The following SIGLEC8 variants were observed in gnomAD, a reference collection of about 807,000 sequenced individuals.
SIGLEC8 encodes sialic acid binding Ig like lectin 8.
SIGLEC8 carries 32 observed loss-of-function variants against 42.1 expected under a neutral mutation model. That is an observed-to-expected ratio of 0.76 (90% CI 0.57 to 1.02). SIGLEC8 has a LOEUF of 1.02. SIGLEC8 is among the 50% of genes least tolerant of loss of function. The pLI, the probability that SIGLEC8 is intolerant of heterozygous loss-of-function variation, is 0.00. For synonymous variants in SIGLEC8, 262 were observed against 260.3 expected (o/e 1.01, Z -0.06); for missense variants, 611 against 610.2 (o/e 1.00, Z -0.01).
chr19:51,458,325 T>C lies in SIGLEC8; in HGVS notation c.63A>G (p.Arg21=). The C allele has an allele frequency of 6.2e-7, 1 of 1,613,986 alleles. No individual in the cohort carries two copies. The highest frequency in any genetic ancestry group is 8.5e-7 in the Non-Finnish European group (1 of 1,179,892). The change falls in exon 1 of 7, where the codon AGA becomes AGG. Residue 21 remains arginine (R), a synonymous_variant. Coordinates refer to ENST00000321424, the MANE Select transcript of SIGLEC8 (RefSeq NM_014442.3). ...GCAGCAAGTAACCATCCCCATATTG[T>C]CTGTCTCCCTCCATCCCCTTTGTCC... is the stretch of plus-strand genomic sequence containing the variant. The part of the protein sequence containing the change: ...LWGTKGMEGD[R]QYGDGYLLQV...
chr19:51,452,690 G>A (rs1989395204), intron 6 of SIGLEC8, 57 bp from the exon 7 acceptor site: 4 of 1,421,458 alleles, frequency 2.8e-6, no homozygotes, highest in Middle Eastern at 2.7e-4. Context: ...GATGAGGCAG[G>A]GAGAGTCCAG....
chr19:51,454,460 T>C lies in SIGLEC8; in HGVS notation c.1149-145A>G, dbSNP rs1283776604. ...GGTCCAGTTCCAGAGACCCCAACGGTGAAAACAGAGGCTCCTGCCTCATGG... is the reference window on the plus strand; with the variant it reads ...GGTCCAGTTCCAGAGACCCCAACGGCGAAAACAGAGGCTCCTGCCTCATGG... On this transcript the variant is annotated intron_variant, in intron 5 of 6. Transcript: ENST00000321424. The surrounding 1 kb of genome is among the most constrained non-coding windows in gnomAD (Gnocchi z 4.7). The C allele has an allele frequency of 1.8e-5, 26 of 1,471,228 alleles. No individual in the cohort carries two copies. The highest frequency in any genetic ancestry group is 2.4e-5 in the Non-Finnish European group (26 of 1,080,966). The allele number at this position is 1,471,228 out of a possible 1,614,324, so 91.1% of individuals were successfully genotyped here.
chr19:51,452,695 G>A, intron 6 of SIGLEC8, 62 bp from the exon 7 acceptor site: 1 of 1,383,806 alleles, frequency 7.2e-7, no homozygotes, highest in Non-Finnish European at 9.4e-7. Flanking sequence ...GGCAGGGAGA[G>A]TCCAGGAAGG....
chr19:51,453,720 A>G (rs1204509191), intron 6 of SIGLEC8: 13 of 972,738 alleles, frequency 1.3e-5, no homozygotes, highest in Non-Finnish European at 1.5e-5. Context: ...ATAAGAAATG[A>G]GTATCTACAT....
intron 4 of SIGLEC8, among the ~76,000 whole-genome samples, chr19:51,455,133 G>C (rs1183814940): frequency 6.6e-6 from 1 of 152,214 alleles, no homozygotes; most frequent in Non-Finnish European, 1.5e-5. Flanking sequence ...AGTGCCTCAT[G>C]TGCCTCATCC....
Position 51,455,703 on chromosome 19 carries a change from C to T in SIGLEC8, c.782-16G>A, listed in dbSNP as rs770422162. 6.2e-7 allele frequency: 1 copy of T among 1,608,224 alleles called. No homozygotes were observed. The highest frequency in any genetic ancestry group is 1.3e-5 in the African/African-American group (1 of 74,698). Reference sequence around the variant, plus strand: ...GCTGTGGATGCTGCAGAGAAAGAGACAGAGGGTCATCCCATTACTGGGTAT... The same window carrying T: ...GCTGTGGATGCTGCAGAGAAAGAGATAGAGGGTCATCCCATTACTGGGTAT... On this transcript the variant is annotated splice_polypyrimidine_tract_variant and intron_variant, in intron 3 of 6. Coordinates refer to ENST00000321424, the MANE Select transcript of SIGLEC8 (RefSeq NM_014442.3).
Position 51,458,198 on chromosome 19 carries a change from C to T in SIGLEC8, c.190G>A (p.Gly64Ser), listed in dbSNP as rs1457340096. The change falls in exon 1 of 7, where the codon GGC becomes AGC. Residue 64 changes from glycine (G) to serine (S), a missense_variant. By Grantham distance (56) the Gly-to-Ser change is moderately conservative. Transcript: ENST00000321424. ...DGWTDSDPVHGYWFRAGDRPY... is the reference protein window; with the variant it reads ...DGWTDSDPVHSYWFRAGDRPY... ...CTGTCTCCTGCCCGGAACCAGTAGC[C>T]ATGAACTGGGTCAGAGTCAGTCCAG... 2 of 1,614,028 alleles carry T rather than the reference C, an allele frequency of 1.2e-6. No individual in the cohort carries two copies. Among genetic ancestry groups the T allele is most frequent in the Admixed American group, 1.7e-5 (1 of 60,006 alleles).
At chr19:51,457,811 G>A (rs966974659) in intron 1 of SIGLEC8, 72 bp from the exon 2 acceptor site, 3 of 1,548,104 alleles carry the variant, frequency 1.9e-6, no homozygotes, top group East Asian at 2.2e-5. Context: ...TCAAGCTCTG[G>A]TCCAGCTCCT....
chr19:51,457,782 G>A (rs1989533645), intron 1 of SIGLEC8, 43 bp from the exon 2 acceptor site: 1 of 1,553,056 alleles, frequency 6.4e-7, no homozygotes, highest in East Asian at 2.2e-5. Flanking sequence ...GGTATTTCAG[G>A]TGCAGCCCTG....
rs766293334 is a variant in SIGLEC8 at position 51,457,620 on chromosome 19, T to G, written c.574A>C (p.Ile192Leu). The change falls in exon 2 of 7, where the codon ATT (isoleucine) becomes CTT (leucine). Residue 192 changes from isoleucine to leucine, a missense_variant. Transcript: ENST00000321424. ...CCCGGGGAGGACACGGAGGCCCCAA[T>G]CCAGGAGATCATGGGGGGTGTCCCC... ...KQGTPPMISW[I>L]GASVSSPGPT... The G allele has an allele frequency of 3.1e-6, 5 of 1,612,358 alleles. No individual in the cohort carries two copies. The highest frequency in any genetic ancestry group is 1.3e-5 in the African/African-American group (1 of 74,854).
chr19:51,457,098 A>C (rs1989512481), intron 3 of SIGLEC8, 86 bp downstream of exon 3: 1 of 1,241,182 alleles, frequency 8.1e-7, no homozygotes, highest in Admixed American at 1.7e-5. Context: ...TGTTTCCCAA[A>C]GTGATTCCAG....
In SIGLEC8 at chr19:51,454,875, C is replaced by T. The variant is rs1989452908; in HGVS notation, c.1052-95G>A. ...CTGCAGGGCCCTAGACTTCCATTCC[C>T]CTCTTCTCCTTCCCAGACACAGAAT... On this transcript the variant is annotated intron_variant, in intron 4 of 6. Coordinates refer to ENST00000321424, the MANE Select transcript of SIGLEC8 (RefSeq NM_014442.3). The surrounding 1 kb of genome is among the most constrained non-coding windows in gnomAD (Gnocchi z 4.7). 1 of 825,084 alleles carries T rather than the reference C, an allele frequency of 1.2e-6. No homozygotes were observed. Among genetic ancestry groups the T allele is most frequent in the Non-Finnish European group, 2.1e-6 (1 of 487,480 alleles). The allele number at this position is 825,084 out of a possible 1,614,324, so 51.1% of individuals were successfully genotyped here.
At position 51,454,723 on chromosome 19, in the gene SIGLEC8, G is replaced by A. The variant is rs1989449524; in HGVS notation, c.1109C>T (p.Thr370Ile). 1.3e-5 allele frequency: 21 copies of A among 1,613,914 alleles called. No homozygotes were observed. The highest frequency in any genetic ancestry group is 1.8e-5 in the Non-Finnish European group (21 of 1,179,986). ...TLAAVGGAGA[T>I]ALAFLSFCII... ...GCAGAAGGACAGGAAGGCCAGGGCT[G>A]TGGCTCCAGCTCCCCCGACTGCTGC... The change falls in exon 5 of 7, where the codon ACA becomes ATA. Residue 370 changes from threonine to isoleucine, a missense_variant. Coordinates refer to ENST00000321424, the MANE Select transcript of SIGLEC8 (RefSeq NM_014442.3). The surrounding 1 kb of genome is among the most constrained non-coding windows in gnomAD (Gnocchi z 4.7).
chr19:51,455,365 T>C (rs1460213213), intron 4 of SIGLEC8, 53 bp downstream of exon 4: 4 of 1,595,602 alleles, frequency 2.5e-6, no homozygotes, highest in East Asian at 2.2e-5. Context: ...CAGTGGGTGG[T>C]CCATGAGGGT....
intron 3 of SIGLEC8, 40 bp from the exon 4 acceptor site, chr19:51,455,727 A>G (rs372702633): frequency 6.5e-7 from 1 of 1,543,314 alleles, no homozygotes. Flanking sequence ...ATTACTGGGT[A>G]TATACCCAAA....
intron 3 of SIGLEC8, among the ~76,000 whole-genome samples, chr19:51,456,961 G>A (rs545644428): frequency 6.6e-6 from 1 of 152,290 alleles, no homozygotes; most frequent in African/African-American, 2.4e-5. Flanking sequence ...CCTTGCTGTG[G>A]GGCCAAGGAA....
At position 51,457,228 on chromosome 19, in the gene SIGLEC8, G is replaced by A. The variant is rs763426912; in HGVS notation, c.737C>T (p.Pro246Leu). 3 of 1,613,648 alleles carry A rather than the reference G, an allele frequency of 1.9e-6. No homozygotes were observed. Among genetic ancestry groups the A allele is most frequent in the South Asian group, 2.2e-5 (2 of 91,064 alleles). ...TSTVRLDVSY[P>L]PWNLTMTVFQ... ...GACAGTCATGGTCAAGTTCCAAGGA[G>A]GGTCTGGGACAGAAAGACATGAAGA... Residue 246 changes from proline to leucine, a missense_variant, in exon 3 of 7, where the codon CCT becomes CTT. Transcript: ENST00000321424.
chr19:51,457,822 C>T (rs982042653), intron 1 of SIGLEC8, 83 bp from the exon 2 acceptor site: 4 of 1,547,898 alleles, frequency 2.6e-6, no homozygotes, highest in Non-Finnish European at 3.5e-6. Context: ...TCCAGCTCCT[C>T]CCCGGAGACC....
chr19:51,456,952 C>T (rs1443187771), intron 3 of SIGLEC8, among the ~76,000 whole-genome samples: 1 of 152,154 alleles, frequency 6.6e-6, no homozygotes, highest in Non-Finnish European at 1.5e-5. Flanking sequence ...TCACCCTGTC[C>T]TTGCTGTGGG....
Sources: gnomAD v4.1 joint callset for allele counts (sites outside exome capture counted in the v4.1 genomes callset) on GRCh38, gnomAD v4.1.1 for gene constraint, Gnocchi (gnomAD v3.1) non-coding constraint, MANE v1.5 for transcripts, NCBI Gene and HGNC (gene_info 2026-07-23, HGNC 2026-07-21) for gene names.